The following ZNF718 variants were observed in gnomAD, a reference collection of about 807,000 sequenced individuals.
ZNF718 encodes zinc finger protein 718.
Under a neutral mutation model 2.6 loss-of-function variants are expected in ZNF718, and 3 were observed. That is an observed-to-expected ratio of 1.16 (90% CI 0.53 to 3.01). The LOEUF (loss-of-function observed/expected upper bound fraction) is 3.01, where lower values mean the gene tolerates loss of function less well. Ranked by LOEUF, ZNF718 falls within the 30% of genes most tolerant of loss-of-function variation. The pLI is 0.03. For synonymous variants in ZNF718, 135 were observed against 77.9 expected, an observed-to-expected ratio of 1.73 and a Z score of -3.86; for missense variants, 468 against 230.0, an observed-to-expected ratio of 2.03 and a Z score of -6.69.
chr4:166,969 G>T (rs574381761), downstream of ZNF718, among the ~76,000 whole-genome samples: 7 of 152,238 alleles, frequency 4.6e-5, no homozygotes, highest in East Asian at 9.6e-4. Context: ...TTCTTCTAGG[G>T]TTTTTATGGT....
upstream of ZNF718, chr4:124,500 C>T (rs782176712): frequency 5.8e-6 from 5 of 855,938 alleles, no homozygotes; most frequent in East Asian, 2.7e-5. Context: ...GGATCTGGCG[C>T]GGCTTTTGCT....
chr4:175,728 GC>G (rs1717331907), intron 3 of ZNF718, among the ~76,000 whole-genome samples: 2 of 151,922 alleles, frequency 1.3e-5, no homozygotes, highest in African/African-American at 4.8e-5. Context: ...TTACTAATAT[GC>G]CTTTGTTACC....
chr4:182,880 T>G (rs891852998), intron 3 of ZNF718, among the ~76,000 whole-genome samples: 5 of 152,220 alleles, frequency 3.3e-5, no homozygotes, highest in African/African-American at 1.2e-4. Context: ...TTGTTCAAGC[T>G]TTTTATAGGT....
intron 3 of ZNF718, among the ~76,000 whole-genome samples, chr4:171,985 C>A (rs945422140): frequency 6.6e-6 from 1 of 152,188 alleles, no homozygotes; most frequent in African/African-American, 2.4e-5. Flanking sequence ...CATCTTGGCT[C>A]CACCTGTCGA....
At chr4:158,595 A>G (rs1716681503) in intron 3 of ZNF718, among the ~76,000 whole-genome samples, 1 of 151,920 alleles carries the variant, frequency 6.6e-6, no homozygotes, top group South Asian at 2.1e-4. Flanking sequence ...ACTGGTAAGA[A>G]CTTAACTTTA....
At chr4:166,112 G>A (rs1248182643), downstream of ZNF718, among the ~76,000 whole-genome samples, 2 of 152,012 alleles carry the variant, frequency 1.3e-5, no homozygotes, top group African/African-American at 2.4e-5. Context: ...TTGGTTTTTT[G>A]TCCTTGCAAT....
At chr4:160,535 ATATT>A (rs1716776412) in intron 3 of ZNF718, among the ~76,000 whole-genome samples, 1 of 152,112 alleles carries the variant, frequency 6.6e-6, no homozygotes, top group African/African-American at 2.4e-5. Flanking sequence ...TTTGTAAAGT[ATATT>A]TATTTACTTA....
At chr4:173,771 C>T (rs1297028373) in intron 3 of ZNF718, among the ~76,000 whole-genome samples, 2 of 152,164 alleles carry the variant, frequency 1.3e-5, no homozygotes, top group African/African-American at 2.4e-5. Flanking sequence ...CAGCTAGGGC[C>T]ACCACCTGCA....
rs1167174157 is a variant in ZNF718, at chr4:161,711, A to G, written c.1026A>G (p.Glu342=). 2.6e-6 allele frequency: 2 copies of G among 779,084 alleles called. No homozygotes were observed. Among genetic ancestry groups the G allele is most frequent in the African/African-American group, 3.4e-5 (2 of 59,122 alleles). The allele number at this position is 779,084 out of a possible 1,614,324, so 48.3% of individuals were successfully genotyped here. The change falls in exon 4 of 4, where the codon GAA becomes GAG. Residue 342 remains glutamate, a synonymous_variant. Transcript: ENST00000510175. ...CAGGAGAGAAACCCTACAAATGTGAAGAATGTGGAAAATCCTTTAATAGGT... is the reference window on the plus strand; with the variant it reads ...CAGGAGAGAAACCCTACAAATGTGAGGAATGTGGAAAATCCTTTAATAGGT... ...IHTGEKPYKC[E]ECGKSFNRST...
intron 3 of ZNF718, among the ~76,000 whole-genome samples, chr4:142,833 T>C (rs1480483229): frequency 1.3e-5 from 2 of 152,222 alleles, no homozygotes; most frequent in Non-Finnish European, 2.9e-5. Flanking sequence ...GTAAACTCTT[T>C]ATCTGGCTCA....
chr4:182,443 T>TTTATTTAGTTATTTAG (rs1717487592), intron 3 of ZNF718, among the ~76,000 whole-genome samples: 5 of 146,206 alleles, frequency 3.4e-5, no homozygotes, highest in African/African-American at 1.3e-4. Context: ...TATTTATTTA[T>TTTATTTAGTTATTTAG]TTATTTTTGA....
intron 3 of ZNF718, among the ~76,000 whole-genome samples, chr4:184,564 C>G (rs1053946211): frequency 3.9e-5 from 6 of 152,048 alleles, no homozygotes; most frequent in Admixed American, 6.6e-5. Context: ...TTCATTTTTT[C>G]TGGCATAGTT....
chr4:194,884 A>C (rs1182348589), intron 3 of ZNF718, among the ~76,000 whole-genome samples: 1 of 152,220 alleles, frequency 6.6e-6, no homozygotes, highest in Non-Finnish European at 1.5e-5. Context: ...GTCCTAGGGC[A>C]TCCTTTATGG....
chr4:196,355 A>G (rs1717792975), intron 3 of ZNF718, among the ~76,000 whole-genome samples: 1 of 152,210 alleles, frequency 6.6e-6, no homozygotes, highest in African/African-American at 2.4e-5. Flanking sequence ...GAGGGACACC[A>G]GAGACAAGAC....
At chr4:183,545 A>G (rs1717507243) in intron 3 of ZNF718, among the ~76,000 whole-genome samples, 1 of 152,146 alleles carries the variant, frequency 6.6e-6, no homozygotes, top group Non-Finnish European at 1.5e-5. Flanking sequence ...CAGAATGTCA[A>G]TGGTAGTTTA....
intron 3 of ZNF718, among the ~76,000 whole-genome samples, chr4:191,923 G>T (rs894469265): frequency 3.3e-5 from 5 of 152,140 alleles, no homozygotes; most frequent in Non-Finnish European, 5.9e-5. Context: ...CATGCAGTCA[G>T]TGTTATAGCT....
At chr4:193,139 G>A (rs1717725478) in intron 3 of ZNF718, among the ~76,000 whole-genome samples, 2 of 152,148 alleles carry the variant, frequency 1.3e-5, no homozygotes, top group African/African-American at 4.8e-5. Context: ...GTTTCCCAGA[G>A]GGGATTACAC....
chr4:151,668 T>G lies in ZNF718; in HGVS notation c.227-9244T>G, dbSNP rs545064023. On this transcript the variant is annotated intron_variant, in intron 3 of 3. Coordinates refer to ENST00000510175, the MANE Select transcript of ZNF718 (RefSeq NM_001039127.6). ...ACTCATTTTGCCTTTTTAGTAGAGA[T>G]GAGGTTTCACCATGTTGGCCAGTCT... is the stretch of plus-strand genomic sequence containing the variant. Among the ~76,000 whole-genome samples the G allele has an allele frequency of 8.5e-4, 129 of 152,100 alleles. 1 individual carries two copies. The highest frequency in any genetic ancestry group is 3.5e-3 in the Admixed American group (54 of 15,272).
chr4:170,823 A>G (rs1553817822), intron 3 of ZNF718, among the ~76,000 whole-genome samples: 1 of 151,946 alleles, frequency 6.6e-6, no homozygotes, highest in Non-Finnish European at 1.5e-5. Flanking sequence ...TAGTTTGATC[A>G]TCTGAAGCCT....
Sources: gnomAD v4.1 joint callset for allele counts (sites outside exome capture counted in the v4.1 genomes callset) on GRCh38, gnomAD v4.1.1 for gene constraint, MANE v1.5 for transcripts, NCBI Gene and HGNC (gene_info 2026-07-23, HGNC 2026-07-21) for gene names.